Variants in DCAF8L2 observed in about 807,000 individuals in gnomAD.
DCAF8L2 encodes DDB1 and CUL4 associated factor 8 like 2, also known as DDB1- and CUL4-associated factor 8-like protein 2.
For synonymous variants in DCAF8L2, 200 were observed against 190.9 expected (o/e 1.05, Z -0.39); for missense variants, 430 against 490.7 (o/e 0.88, Z 1.17).
At chrX:27,601,890 A>C (rs1348271069) in intron 1 of DCAF8L2, among the ~76,000 whole-genome samples, 4 of 110,986 alleles carry the variant, frequency 3.6e-5, no homozygotes, top group African/African-American at 1.3e-4. Context: ...GGTTTAGCTA[A>C]AGGAAGGCAC....
At chrX:27,683,181 CAAAAGGAAAA>C (rs1930385240) in intron 3 of DCAF8L2, among the ~76,000 whole-genome samples, 1 of 111,650 alleles carries the variant, frequency 9.0e-6, no homozygotes, top group Non-Finnish European at 1.9e-5. Context: ...TGACATGAAA[CAAAAGGAAAA>C]ATAATTGGCT....
chrX:27,499,567 A>C, the DCAF8L2 span, among the ~76,000 whole-genome samples: 1 of 111,875 alleles, frequency 8.9e-6, no homozygotes, highest in African/African-American at 3.3e-5. Context: ...ACAGTTCTGC[A>C]GGCTGTACAG....
At chrX:27,599,150 AT>A (rs977317279) in intron 1 of DCAF8L2, among the ~76,000 whole-genome samples, 2 of 110,803 alleles carry the variant, frequency 1.8e-5, no homozygotes, top group Non-Finnish European at 3.8e-5. Flanking sequence ...ATAAAAAAAA[AT>A]GTGGTATATA....
chrX:27,508,229 A>T, the DCAF8L2 span, among the ~76,000 whole-genome samples: 15 of 111,910 alleles, frequency 1.3e-4, no homozygotes, highest in South Asian at 5.2e-3. Context: ...TATTCACTTC[A>T]GTGCTAAATG....
At chrX:27,621,121 T>G (rs894315128) in intron 1 of DCAF8L2, among the ~76,000 whole-genome samples, 3 of 111,785 alleles carry the variant, frequency 2.7e-5, no homozygotes, top group African/African-American at 9.8e-5. Context: ...GTAATCACAG[T>G]CATAGAGACA....
the DCAF8L2 span, among the ~76,000 whole-genome samples, chrX:27,482,862 A>G: frequency 9.0e-6 from 1 of 111,584 alleles, no homozygotes; most frequent in Non-Finnish European, 1.9e-5. Context: ...TTTTGAGATT[A>G]CCACTCCATA....
chrX:27,691,576 C>T (rs1385776812), intron 3 of DCAF8L2, among the ~76,000 whole-genome samples: 3 of 111,404 alleles, frequency 2.7e-5, no homozygotes, highest in Non-Finnish European at 5.7e-5. Flanking sequence ...GTCCTATTTT[C>T]CTTAAAAGTG....
At chrX:27,716,666 G>A (rs745886674) in intron 4 of DCAF8L2, among the ~76,000 whole-genome samples, 13 of 112,301 alleles carry the variant, frequency 1.2e-4, no homozygotes, top group Middle Eastern at 4.6e-3. Context: ...GAGACTGTAT[G>A]TATTTCTGAG....
chrX:27,635,829 G>A (rs1477623636), intron 2 of DCAF8L2, among the ~76,000 whole-genome samples: 1 of 99,029 alleles, frequency 1.0e-5, no homozygotes, highest in African/African-American at 3.6e-5. Context: ...GTGTGTGTGT[G>A]TGATGGAGTT....
the DCAF8L2 span, among the ~76,000 whole-genome samples, chrX:27,574,883 G>A: frequency 9.0e-6 from 1 of 111,535 alleles, no homozygotes; most frequent in Admixed American, 9.5e-5. Context: ...AAGCCCCAAT[G>A]GGTATGTGTT....
chrX:27,713,245 G>A (rs1305260861), intron 3 of DCAF8L2, among the ~76,000 whole-genome samples: 1 of 111,648 alleles, frequency 9.0e-6, no homozygotes, highest in East Asian at 2.8e-4. Context: ...AAAAGACTGA[G>A]AATAAAATAA....
chrX:27,536,268 C>A, the DCAF8L2 span, among the ~76,000 whole-genome samples: 1 of 112,654 alleles, frequency 8.9e-6, no homozygotes, highest in Non-Finnish European at 1.9e-5. Context: ...CTACTTTGAC[C>A]AATGTACTTC....
chrX:27,473,367 T>C, the DCAF8L2 span, among the ~76,000 whole-genome samples: 1 of 111,873 alleles, frequency 8.9e-6, no homozygotes, highest in Non-Finnish European at 1.9e-5. Context: ...TATGAAGATG[T>C]AACAACTTCC....
chrX:27,500,729 T>C, the DCAF8L2 span, among the ~76,000 whole-genome samples: 14 of 111,609 alleles, frequency 1.3e-4, no homozygotes, highest in African/African-American at 4.2e-4. Flanking sequence ...AAGTTTCTTG[T>C]ATTAACTGTT....
chrX:27,685,652 C>G (rs747495516), intron 3 of DCAF8L2, among the ~76,000 whole-genome samples: 2 of 111,920 alleles, frequency 1.8e-5, no homozygotes, highest in East Asian at 5.6e-4. Context: ...TGGTGCAACA[C>G]TTCAGGACAT....
the DCAF8L2 span, among the ~76,000 whole-genome samples, chrX:27,514,160 A>G: frequency 9.3e-6 from 1 of 107,076 alleles, no homozygotes; most frequent in Non-Finnish European, 1.9e-5. Flanking sequence ...ATGTGTGTGC[A>G]TGCACACATA....
Position 27,746,823 on chromosome X carries a change from C to T in DCAF8L2, c.-58-15C>T, listed in dbSNP as rs1353183806. 6.6e-6 allele frequency: 7 copies of T among 1,054,527 alleles called. No homozygotes were observed. Among genetic ancestry groups the T allele is most frequent in the Non-Finnish European group, 8.8e-6 (7 of 792,088 alleles). The allele number at this position is 1,054,527 out of a possible 1,213,427, so 86.9% of individuals were successfully genotyped here. ...ACTACCATCAGTCCTAACCGCAGGC[C>T]AACTTTCTTCCCAGAGCTTTTAGGG... On this transcript the variant is annotated splice_polypyrimidine_tract_variant and intron_variant, in intron 4 of 4. Transcript: ENST00000451261.
intron 4 of DCAF8L2, among the ~76,000 whole-genome samples, chrX:27,721,742 C>T (rs1252475923): frequency 9.0e-6 from 1 of 111,711 alleles, no homozygotes; most frequent in Non-Finnish European, 1.9e-5. Flanking sequence ...AAAAATCACT[C>T]ACAAACTATT....
chrX:27,648,534 T>C (rs1448803328), intron 2 of DCAF8L2, among the ~76,000 whole-genome samples: 3 of 107,707 alleles, frequency 2.8e-5, no homozygotes, highest in East Asian at 5.7e-4. Flanking sequence ...TATATATATA[T>C]ATATATGTAT....
Sources: gnomAD v4.1 joint callset for allele counts (sites outside exome capture counted in the v4.1 genomes callset) on GRCh38, gnomAD v4.1.1 for gene constraint, MANE v1.5 for transcripts, NCBI Gene and HGNC (gene_info 2026-07-23, HGNC 2026-07-21) for gene names.